Variants in DOC2A observed in about 807,000 individuals in gnomAD.
DOC2A encodes the protein double C2-like domain-containing protein alpha.
A neutral mutation model predicts 40.6 loss-of-function variants in DOC2A; 28 were observed. The ratio of observed to expected loss-of-function variants is 0.69; its 90% CI spans 0.51 to 0.95. DOC2A has a LOEUF of 0.95. Ranked by LOEUF, DOC2A falls within the 40% of genes least tolerant of loss-of-function variation. The pLI, the probability that DOC2A is intolerant of heterozygous loss-of-function variation, is 0.00. For missense variants in DOC2A, 474 were observed against 552.5 expected (o/e 0.86, Z 1.42); for synonymous variants, 241 against 236.9 (o/e 1.02, Z -0.16).
In DOC2A at chr16:30,005,727, A is replaced by G; in HGVS notation, c.*459T>C. Reference sequence around the variant, plus strand: ...AGACCCTGCAATGGCCACCTCTTTAAAAGGGCAGCTGTACAGGGCTAGGTT... The same window carrying G: ...AGACCCTGCAATGGCCACCTCTTTAGAAGGGCAGCTGTACAGGGCTAGGTT... On this transcript the variant is annotated 3_prime_UTR_variant, in exon 11 of 11. Transcript: ENST00000350119. The G allele has an allele frequency of 2.0e-6, 1 of 511,946 alleles. No homozygotes were observed. Among genetic ancestry groups the G allele is most frequent in the Non-Finnish European group, 3.4e-6 (1 of 291,218 alleles). The allele number at this position is 511,946 out of a possible 1,614,324, so 31.7% of individuals were successfully genotyped here. A position where few individuals can be genotyped will look rare whatever the true frequency, so the allele number is the denominator to read the frequency against.
chr16:30,013,251 C>T (rs1368612660), upstream of DOC2A, among the ~76,000 whole-genome samples: 3 of 143,316 alleles, frequency 2.1e-5, no homozygotes, highest in African/African-American at 7.7e-5. Context: ...GAGGATCTCT[C>T]TTCTTTTTTT....
chr16:30,009,177 G>C lies in DOC2A; in HGVS notation c.417+25C>G. On this transcript the variant is annotated intron_variant, in intron 4 of 10. Transcript: ENST00000350119. This position sits in a 1 kb window ranked among gnomAD's most constrained non-coding sequence, Gnocchi z 4.1. ...ACAGGCTGGAGTCATGGGCTGGGCCGGGCGGGGCGAGAGGAGGCTGTTACC... is the reference window on the plus strand; with the variant it reads ...ACAGGCTGGAGTCATGGGCTGGGCCCGGCGGGGCGAGAGGAGGCTGTTACC... 1 of 1,609,424 alleles carries C rather than the reference G, an allele frequency of 6.2e-7. No individual in the cohort carries two copies. The highest frequency in any genetic ancestry group is 8.5e-7 in the Non-Finnish European group (1 of 1,177,388).
chr16:30,007,379 C>A, intron 5 of DOC2A, 80 bp from the exon 6 acceptor site: 1 of 1,592,466 alleles, frequency 6.3e-7, no homozygotes, highest in Non-Finnish European at 8.6e-7. Context: ...TGGACCAGCC[C>A]AGCTCTGCCC....
In DOC2A at chr16:30,010,269, A is replaced by C. The variant is rs776563907; in HGVS notation, c.-13-34T>G. ...GGGCGTGTGAGCCAGTGAGCCCATC[A>C]TACCTAGCCATCCTGGCTGAGGGCC... On this transcript the variant is annotated intron_variant, in intron 1 of 10. Coordinates refer to ENST00000350119, the MANE Select transcript of DOC2A (RefSeq NM_003586.3). This position sits in a 1 kb window ranked among gnomAD's most constrained non-coding sequence, Gnocchi z 4.2. 1 of 1,609,596 alleles carries C rather than the reference A, an allele frequency of 6.2e-7. No individual in the cohort carries two copies. Among genetic ancestry groups the C allele is most frequent in the Admixed American group, 1.7e-5 (1 of 60,026 alleles).
intron 5 of DOC2A, 110 bp downstream of exon 5, chr16:30,008,886 C>G (rs2070695595): frequency 1.3e-6 from 1 of 799,846 alleles, no homozygotes; most frequent in Non-Finnish European, 2.2e-6. Flanking sequence ...GCTGATGGTT[C>G]TTGAGCATCA....
In DOC2A at chr16:30,009,963, GCAT is replaced by G. The variant is rs760143965; in HGVS notation, c.257_259del (p.Asp86del). The G allele has an allele frequency of 6.2e-7, 1 of 1,611,274 alleles. No homozygotes were observed. Among genetic ancestry groups the G allele is most frequent in the East Asian group, 2.2e-5 (1 of 44,866 alleles). On this transcript the variant is annotated inframe_deletion, in exon 2 of 11. Transcript: ENST00000350119. This position sits in a 1 kb window ranked among gnomAD's most constrained non-coding sequence, Gnocchi z 4.1. ...GGCCTCCAAGCCCCCAGACTCACTGGCATCATCCGAGTCATAGCTGTCCACCTC... is the reference window on the plus strand; with the variant it reads ...GGCCTCCAAGCCCCCAGACTCACTGGCATCCGAGTCATAGCTGTCCACCTC...
chr16:30,016,468 G>A (rs1019449984), upstream of DOC2A, among the ~76,000 whole-genome samples: 5 of 152,212 alleles, frequency 3.3e-5, no homozygotes, highest in Admixed American at 6.5e-5. Context: ...GCAAGAGGGT[G>A]TCCATGACCT....
At chr16:30,016,431 A>G (rs1320445019), upstream of DOC2A, among the ~76,000 whole-genome samples, 4 of 152,218 alleles carry the variant, frequency 2.6e-5, no homozygotes, top group Admixed American at 6.5e-5. Flanking sequence ...AGGGAGACAC[A>G]GTGCAGTGTG....
chr16:30,007,620 C>T (rs1380678671), intron 5 of DOC2A: 6 of 422,032 alleles, frequency 1.4e-5, no homozygotes, highest in South Asian at 8.4e-5. Context: ...AGACACAGGC[C>T]GTGAGAGCTA....
At chr16:30,014,259 G>A (rs1292750419), upstream of DOC2A, among the ~76,000 whole-genome samples, 2 of 149,982 alleles carry the variant, frequency 1.3e-5, no homozygotes, top group African/African-American at 4.9e-5. Flanking sequence ...CTCCCGCTTC[G>A]GCCTCCCAAA....
At chr16:30,017,046 G>A (rs1035205265), upstream of DOC2A, among the ~76,000 whole-genome samples, 1 of 152,168 alleles carries the variant, frequency 6.6e-6, no homozygotes, top group African/African-American at 2.4e-5. Flanking sequence ...AAAGCTGGGA[G>A]GCAGTCCAGA....
upstream of DOC2A, chr16:30,023,079 T>G: frequency 2.7e-6 from 1 of 375,030 alleles, no homozygotes; most frequent in Non-Finnish European, 5.0e-6. Context: ...ACAGCTTCCT[T>G]TAGTTCGGGC....
At position 30,010,593 on chromosome 16, in the gene DOC2A, C is replaced by T. The variant is rs2070751921; in HGVS notation, c.-14+310G>A. On this transcript the variant is annotated intron_variant, in intron 1 of 10. Coordinates refer to ENST00000350119, the MANE Select transcript of DOC2A (RefSeq NM_003586.3). This position sits in a 1 kb window ranked among gnomAD's most constrained non-coding sequence, Gnocchi z 4.2. ...TCCCCCAAGGGGCCCTGCAGGGCCCCGCCTCTGTTTCTCGGAGGCTCTGTC... is the reference window on the plus strand; with the variant it reads ...TCCCCCAAGGGGCCCTGCAGGGCCCTGCCTCTGTTTCTCGGAGGCTCTGTC... 1 of 339,374 alleles carries T rather than the reference C, an allele frequency of 2.9e-6. No individual in the cohort carries two copies. Among genetic ancestry groups the T allele is most frequent in the Non-Finnish European group, 5.6e-6 (1 of 177,436 alleles). 21.0% of individuals were successfully genotyped at this position (339,374 alleles called of 1,614,324 possible).
At position 30,006,072 on chromosome 16, in the gene DOC2A, A is replaced by G; in HGVS notation, c.*114T>C. ...GACCCGGGTCACGGAGACTCACAAA[A>G]ATAGGTAGTGCAGGGTGGGGGCAGC... On this transcript the variant is annotated 3_prime_UTR_variant, in exon 11 of 11. Coordinates refer to ENST00000350119, the MANE Select transcript of DOC2A (RefSeq NM_003586.3). This position sits in a 1 kb window ranked among gnomAD's most constrained non-coding sequence, Gnocchi z 6.2. 3.2e-6 allele frequency: 4 copies of G among 1,255,512 alleles called. No individual in the cohort carries two copies. Among genetic ancestry groups the G allele is most frequent in the Non-Finnish European group, 4.3e-6 (4 of 926,672 alleles). 77.8% of individuals were successfully genotyped at this position (1,255,512 alleles called of 1,614,324 possible). A position where few individuals can be genotyped will look rare whatever the true frequency, so the allele number is the denominator to read the frequency against.
chr16:30,009,113 G>A lies in DOC2A; in HGVS notation c.418-8C>T. On this transcript the variant is annotated splice_region_variant and splice_polypyrimidine_tract_variant and intron_variant, in intron 4 of 10. Coordinates refer to ENST00000350119, the MANE Select transcript of DOC2A (RefSeq NM_003586.3). The surrounding 1 kb of genome is among the most constrained non-coding windows in gnomAD (Gnocchi z 4.1). ...CGTTTTTAGCTTATTGGCCTGGGAT[G>A]TGGGGATGAAAGGTTCTCAATACCT... is the stretch of plus-strand genomic sequence containing the variant. 5.6e-6 allele frequency: 9 copies of A among 1,613,240 alleles called. No individual in the cohort carries two copies. Among genetic ancestry groups the A allele is most frequent in the East Asian group, 2.2e-5 (1 of 44,868 alleles).
chr16:30,017,232 T>G (rs2070863364), upstream of DOC2A, among the ~76,000 whole-genome samples: 1 of 146,674 alleles, frequency 6.8e-6, no homozygotes, highest in Admixed American at 6.9e-5. Context: ...TGAGCCAAGA[T>G]CAAGCCACTG....
chr16:30,019,699 T>C (rs151026707), intron 1 of DOC2A, among the ~76,000 whole-genome samples: 100 of 152,312 alleles, frequency 6.6e-4, no homozygotes, highest in Non-Finnish European at 1.2e-3. Context: ...CAGTTGCCTG[T>C]GGGCCTGGGG....
upstream of DOC2A, chr16:30,023,159 T>C: frequency 1.9e-6 from 1 of 516,244 alleles, no homozygotes; most frequent in Non-Finnish European, 3.5e-6. Flanking sequence ...TATGGTTTTA[T>C]CATCAGCGAC....
upstream of DOC2A, chr16:30,011,837 ATC>A (rs1251866748): frequency 1.8e-4 from 28 of 152,046 alleles, no homozygotes; most frequent in African/African-American, 6.3e-4. Flanking sequence ...CAGGGATGGT[ATC>A]TCCTTTGGGA....
Sources: allele counts gnomAD v4.1 joint callset (sites outside exome capture counted in the v4.1 genomes callset), GRCh38; gene constraint gnomAD v4.1.1; non-coding constraint Gnocchi (gnomAD v3.1); transcripts MANE v1.5; gene names NCBI Gene and HGNC (gene_info 2026-07-23, HGNC 2026-07-21).